Variants in SPECC1 observed in about 807,000 individuals in gnomAD.
SPECC1 encodes the protein cytospin-B.
Under a neutral mutation model 104.1 loss-of-function variants are expected in SPECC1, and 62 were observed. The ratio of observed to expected loss-of-function variants is 0.60; its 90% CI spans 0.49 to 0.74. The LOEUF is 0.74. Ranked by LOEUF, SPECC1 falls within the 30% of genes least tolerant of loss-of-function variation. SPECC1 has a pLI of 0.00. For missense variants in SPECC1, 1,306 were observed against 1,310.5 expected (o/e 1.00, Z 0.05); for synonymous variants, 513 against 501.6 (o/e 1.02, Z -0.30).
At chr17:20,224,780 G>A (rs1598024700) in intron 4 of SPECC1, among the ~76,000 whole-genome samples, 1 of 152,114 alleles carries the variant, frequency 6.6e-6, no homozygotes, top group East Asian at 1.9e-4. Context: ...AGCCTGCTTG[G>A]TGCTTTATTT....
intron 3 of SPECC1, among the ~76,000 whole-genome samples, chr17:20,200,016 C>T (rs570506076): frequency 6.6e-6 from 1 of 152,316 alleles, no homozygotes; most frequent in East Asian, 1.9e-4. Context: ...TGGTCTCGAT[C>T]TCCTGACCTT....
At chr17:20,303,884 C>T (rs2041672401) in intron 13 of SPECC1, among the ~76,000 whole-genome samples, 1 of 151,788 alleles carries the variant, frequency 6.6e-6, no homozygotes, top group South Asian at 2.1e-4. Context: ...ACCCAAGAGG[C>T]AGAGGTGGCA....
intron 1 of SPECC1, among the ~76,000 whole-genome samples, chr17:20,024,604 C>T (rs1209873203): frequency 2.0e-5 from 3 of 152,182 alleles, no homozygotes; most frequent in African/African-American, 7.2e-5. Context: ...TGTTCCTTGT[C>T]ACTGTCTCTG....
intron 1 of SPECC1, among the ~76,000 whole-genome samples, chr17:20,093,726 GTT>G (rs10712428): frequency 5.6e-5 from 8 of 143,478 alleles, no homozygotes; most frequent in African/African-American, 2.1e-4. Context: ...TTTTGTTTTT[GTT>G]TTTTGTTTTT....
At chr17:20,232,087 C>G in intron 6 of SPECC1, 113 bp from the exon 7 acceptor site, 1 of 1,279,404 alleles carries the variant, frequency 7.8e-7, no homozygotes, top group Non-Finnish European at 1.1e-6. Context: ...CAGGGCCTCA[C>G]CAAGCACTGA....
intron 12 of SPECC1, among the ~76,000 whole-genome samples, chr17:20,281,341 G>A (rs2040764566): frequency 6.6e-6 from 1 of 152,192 alleles, no homozygotes; most frequent in Admixed American, 6.5e-5. Context: ...AACTCCATGA[G>A]GAATCTTGCA....
intron 7 of SPECC1, chr17:20,236,764 A>C: frequency 6.7e-7 from 1 of 1,486,928 alleles, no homozygotes; most frequent in Non-Finnish European, 9.3e-7. Flanking sequence ...TCCCTGTGGG[A>C]CAGTGTAAGC....
chr17:20,028,760 ATTTT>A (rs71157855), intron 1 of SPECC1, among the ~76,000 whole-genome samples: 1 of 128,290 alleles, frequency 7.8e-6, no homozygotes, highest in Non-Finnish European at 1.7e-5. Context: ...GTCATCTGGG[ATTTT>A]TTTTTTTTTT....
In SPECC1 at chr17:20,110,434, G is replaced by A. The variant is rs150748271; in HGVS notation, c.155G>A (p.Arg52Lys). The change falls in exon 3 of 15, where the codon AGG (arginine) becomes AAG (lysine). Residue 52 changes from arginine (R) to lysine (K), a missense_variant. Physicochemically the swap from Arg to Lys is conservative, Grantham distance 26 (BLOSUM62 2). Around this residue, in one of 2 missense-constraint regions of SPECC1, gnomAD observed 1,177 missense variants for 1,139.9 expected, o/e 1.03. Transcript: ENST00000395527. ...TCCTTCCAACTCTCTCAGCTCAAGAGGGCCAGCAGTGAGGACACGCTCAAC... is the reference window on the plus strand; with the variant it reads ...TCCTTCCAACTCTCTCAGCTCAAGAAGGCCAGCAGTGAGGACACGCTCAAC... ...AFESRLSRLK[R>K]ASSEDTLNKP... The A allele has an allele frequency of 1.9e-5, 31 of 1,611,686 alleles. No homozygotes were observed. The highest frequency in any genetic ancestry group is 2.3e-5 in the Non-Finnish European group (27 of 1,178,680).
intron 12 of SPECC1, among the ~76,000 whole-genome samples, chr17:20,287,114 G>A (rs567604639): frequency 6.6e-6 from 1 of 152,308 alleles, no homozygotes; most frequent in South Asian, 2.1e-4. Flanking sequence ...CAAGGGAACA[G>A]TAATTTAAAT....
intron 1 of SPECC1, among the ~76,000 whole-genome samples, chr17:20,059,816 C>T (rs1351665091): frequency 6.6e-6 from 1 of 152,112 alleles, no homozygotes; most frequent in East Asian, 1.9e-4. Flanking sequence ...GAGCTCTGAT[C>T]GTGCCACTGC....
chr17:20,296,501 C>A (rs929628097), intron 12 of SPECC1, among the ~76,000 whole-genome samples: 4 of 152,196 alleles, frequency 2.6e-5, no homozygotes, highest in Non-Finnish European at 5.9e-5. Context: ...CTTGGCAATG[C>A]AGGCTCATTT....
intron 12 of SPECC1, among the ~76,000 whole-genome samples, chr17:20,263,690 A>G (rs2040113227): frequency 6.6e-6 from 1 of 152,200 alleles, no homozygotes; most frequent in African/African-American, 2.4e-5. Context: ...GAATGACTCC[A>G]CTGATGCCGC....
chr17:20,091,429 C>T (rs1447327392), intron 1 of SPECC1, among the ~76,000 whole-genome samples: 7 of 152,282 alleles, frequency 4.6e-5, no homozygotes, highest in African/African-American at 9.6e-5. Context: ...GTCTCTCCAC[C>T]GTGGCACTGC....
chr17:20,156,031 C>A (rs534740086), intron 3 of SPECC1: 18 of 1,277,684 alleles, frequency 1.4e-5, no homozygotes, highest in Non-Finnish European at 1.7e-5. Flanking sequence ...GGGAGAGCAG[C>A]GGCTCCGCCG....
At chr17:20,169,667 T>G (rs1459804068) in intron 3 of SPECC1, among the ~76,000 whole-genome samples, 1 of 152,094 alleles carries the variant, frequency 6.6e-6, no homozygotes, top group Non-Finnish European at 1.5e-5. Context: ...GATCTTATGG[T>G]TTTAGACATT....
At chr17:20,164,470 TGG>T (rs1237958118) in intron 3 of SPECC1, among the ~76,000 whole-genome samples, 1 of 152,106 alleles carries the variant, frequency 6.6e-6, no homozygotes, top group Non-Finnish European at 1.5e-5. Context: ...ATATAATTTT[TGG>T]GGTTGTCTTC....
chr17:20,156,945 G>T (rs537090594), intron 3 of SPECC1, among the ~76,000 whole-genome samples: 1 of 152,150 alleles, frequency 6.6e-6, no homozygotes, highest in African/African-American at 2.4e-5. Context: ...CATCTTGGCT[G>T]ATAGGAAAGA....
At chr17:20,090,524 C>G (rs2047359169) in intron 1 of SPECC1, among the ~76,000 whole-genome samples, 1 of 151,434 alleles carries the variant, frequency 6.6e-6, no homozygotes, top group African/African-American at 2.4e-5. Context: ...ATATGAAAGT[C>G]TCTGGTTCCC....
Sources: allele counts gnomAD v4.1 joint callset (sites outside exome capture counted in the v4.1 genomes callset), GRCh38; gene constraint gnomAD v4.1.1; regional missense constraint gnomAD v4.1.1; transcripts MANE v1.5; gene names NCBI Gene and HGNC (gene_info 2026-07-23, HGNC 2026-07-21).